Variants in NSD1 observed in about 807,000 individuals in gnomAD.
NSD1 encodes the protein nuclear receptor binding SET domain protein 1.
In NSD1, 26 loss-of-function variants were observed where a neutral mutation model predicts 242.7. The observed-to-expected ratio is 0.11, with a 90% confidence interval of 0.08 to 0.15. The LOEUF (loss-of-function observed/expected upper bound fraction) is 0.15, where lower values mean the gene tolerates loss of function less well. Among genes scored for constraint, NSD1 ranks in the 10% least tolerant of loss-of-function variants. The pLI is 1.00. For synonymous variants in NSD1, 1,106 were observed against 1,178.1 expected (o/e 0.94, Z 1.25); for missense variants, 2,495 against 3,272.8 (o/e 0.76, Z 5.80).
rs75207291 is a variant in NSD1, at chr5:177,282,148, G to C, written c.5893-317G>C. Among the ~76,000 whole-genome samples, 292 of 152,270 alleles carry C rather than the reference G, an allele frequency of 1.9e-3. 4 individuals carry two copies. The East Asian group carries it at 0.026, about 14-fold the overall frequency. ...TTTATTTGGGGAAGCCAATTCTCGG[G>C]CTCTGGGGCAGGTAGAGATTGGCCA... On this transcript the variant is annotated intron_variant, in intron 18 of 22. Transcript: ENST00000439151.
chr5:177,194,736 C>G (rs998116253), intron 3 of NSD1, among the ~76,000 whole-genome samples: 1 of 109,184 alleles, frequency 9.2e-6, no homozygotes, highest in Non-Finnish European at 1.7e-5. Flanking sequence ...GAGCCTTGCT[C>G]TGTCTCCCAG....
chr5:177,182,858 G>A (rs559652591), intron 2 of NSD1, among the ~76,000 whole-genome samples: 3 of 152,160 alleles, frequency 2.0e-5, no homozygotes, highest in Middle Eastern at 3.4e-3. Flanking sequence ...GGCTGGTCTC[G>A]AACTCCTGAC....
intron 12 of NSD1, among the ~76,000 whole-genome samples, chr5:177,254,623 C>T (rs1037338067): frequency 3.9e-5 from 6 of 152,114 alleles, no homozygotes; most frequent in Admixed American, 2.6e-4. Context: ...TGTTCTCAAA[C>T]TCCTGGCCTC....
intron 11 of NSD1, among the ~76,000 whole-genome samples, chr5:177,248,820 T>G (rs1438429432): frequency 6.6e-6 from 1 of 152,212 alleles, no homozygotes; most frequent in Non-Finnish European, 1.5e-5. Flanking sequence ...TATTACATTA[T>G]TTAGTCATCC....
chr5:177,260,951 G>A (rs971529000), intron 14 of NSD1, among the ~76,000 whole-genome samples: 5 of 152,164 alleles, frequency 3.3e-5, no homozygotes, highest in African/African-American at 1.2e-4. Flanking sequence ...AATAGAAAAA[G>A]AGTGAACGTG....
intron 20 of NSD1, among the ~76,000 whole-genome samples, chr5:177,286,874 C>T (rs532728722): frequency 1.3e-5 from 2 of 152,282 alleles, no homozygotes; most frequent in East Asian, 3.9e-4. Context: ...TGTTGAAATT[C>T]TCAGACTCTT....
At chr5:177,251,345 A>G (rs1755945451) in intron 11 of NSD1, among the ~76,000 whole-genome samples, 1 of 152,180 alleles carries the variant, frequency 6.6e-6, no homozygotes. Flanking sequence ...ATGTCCCAAA[A>G]GGGCTGTTTA....
rs762223274 is a variant in NSD1, at chr5:177,211,359, T to C, written c.2960T>C (p.Leu987Ser). ...NPSPSGGDSA[L>S]SGELSASLPG... ...AGCCCTAGTGGGGGTGACTCTGCATTATCTGGCGAGTTGTCTGCTTCCCTA... is the reference window on the plus strand; with the variant it reads ...AGCCCTAGTGGGGGTGACTCTGCATCATCTGGCGAGTTGTCTGCTTCCCTA... The change falls in exon 5 of 23, where the codon TTA becomes TCA. Residue 987 changes from leucine to serine, a missense_variant. Physicochemically the swap from Leu to Ser is moderately radical, Grantham distance 145. Coordinates refer to ENST00000439151, the MANE Select transcript of NSD1 (RefSeq NM_022455.5). 1.2e-6 allele frequency: 2 copies of C among 1,614,082 alleles called. No homozygotes were observed. Among genetic ancestry groups the C allele is most frequent in the Non-Finnish European group, 1.7e-6 (2 of 1,180,012 alleles).
At chr5:177,247,842 G>T in intron 10 of NSD1, 1 of 815,342 alleles carries the variant, frequency 1.2e-6, no homozygotes, top group Non-Finnish European at 1.5e-6. Context: ...GAATGCCCAA[G>T]AGGGGCATTA....
At chr5:177,293,745 C>T in intron 22 of NSD1, 87 bp from the exon 23 acceptor site, 1 of 1,437,988 alleles carries the variant, frequency 7.0e-7, no homozygotes, top group Non-Finnish European at 9.7e-7. Context: ...AGGTCATCAT[C>T]CACACCTTCG....
chr5:177,292,535 C>G (rs58826542), intron 22 of NSD1, among the ~76,000 whole-genome samples: 6,105 of 152,202 alleles, frequency 0.04, 412 homozygotes, highest in African/African-American at 0.14. Context: ...GACTCCAAGA[C>G]TATTAAATCA....
At position 177,185,043 on chromosome 5, in the gene NSD1, A is replaced by G. The variant is rs538829854; in HGVS notation, c.928-6841A>G. Among the ~76,000 whole-genome samples, 14 of 152,302 alleles carry G rather than the reference A, an allele frequency of 9.2e-5. No individual in the cohort carries two copies. In the East Asian group the frequency reaches 1.9e-3, roughly 21 times the overall value. ...AATATTATGGGAGTTTTTGGTAACTAAAACAATAACTGAGTCCTTAGAGTT... is the reference window on the plus strand; with the variant it reads ...AATATTATGGGAGTTTTTGGTAACTGAAACAATAACTGAGTCCTTAGAGTT... On this transcript the variant is annotated intron_variant, in intron 2 of 22. Coordinates refer to ENST00000439151, the MANE Select transcript of NSD1 (RefSeq NM_022455.5).
At chr5:177,198,038 C>T (rs1762237135) in intron 3 of NSD1, among the ~76,000 whole-genome samples, 1 of 152,048 alleles carries the variant, frequency 6.6e-6, no homozygotes, top group East Asian at 1.9e-4. Flanking sequence ...GAGAAAGAGT[C>T]TTGCTCTGTC....
intron 20 of NSD1, 192 bp from the exon 21 acceptor site, chr5:177,288,627 T>G: frequency 1.8e-6 from 1 of 548,840 alleles, no homozygotes; most frequent in Non-Finnish European, 3.2e-6. Context: ...TTAAGCCATT[T>G]AAGTTTTCTC....
At chr5:177,143,589 G>C (rs895600479) in intron 2 of NSD1, among the ~76,000 whole-genome samples, 1 of 151,906 alleles carries the variant, frequency 6.6e-6, no homozygotes, top group Non-Finnish European at 1.5e-5. Context: ...CAAAGTGCTG[G>C]GATTACAGGC....
At chr5:177,206,716 A>G (rs1451618274) in intron 4 of NSD1, among the ~76,000 whole-genome samples, 1 of 151,890 alleles carries the variant, frequency 6.6e-6, no homozygotes, top group Non-Finnish European at 1.5e-5. Flanking sequence ...GCTGATAGGG[A>G]TGTGTCGGTT....
chr5:177,265,799 C>T, intron 14 of NSD1: 1 of 1,407,180 alleles, frequency 7.1e-7, no homozygotes, highest in Non-Finnish European at 1.0e-6. Context: ...CCCTCCGGTC[C>T]TCTTGTGGCA....
rs530534653 is a variant in NSD1, at chr5:177,134,662, G to C, written c.-17-425G>C. On this transcript the variant is annotated intron_variant, in intron 1 of 22. Coordinates refer to ENST00000439151, the MANE Select transcript of NSD1 (RefSeq NM_022455.5). This position sits in a 1 kb window ranked among gnomAD's most constrained non-coding sequence, Gnocchi z 4.2. ...CGCTGCGCCCTAGCGAGCCAGGAAG[G>C]GGGGGGTACCTTTTTGTGCAGGGTC... Among the ~76,000 whole-genome samples the C allele has an allele frequency of 3.8e-4, 57 of 151,964 alleles. No homozygotes were observed. Among genetic ancestry groups the C allele is most frequent in the African/African-American group, 1.2e-3 (50 of 41,440 alleles).
At chr5:177,175,649 A>T (rs1760129585) in intron 2 of NSD1, among the ~76,000 whole-genome samples, 1 of 152,068 alleles carries the variant, frequency 6.6e-6, no homozygotes, top group Non-Finnish European at 1.5e-5. Flanking sequence ...AAGTATTTGA[A>T]AGCCTTCTTC....
Sources: allele counts gnomAD v4.1 joint callset (sites outside exome capture counted in the v4.1 genomes callset), GRCh38; gene constraint gnomAD v4.1.1; non-coding constraint Gnocchi (gnomAD v3.1); transcripts MANE v1.5; gene names NCBI Gene and HGNC (gene_info 2026-07-23, HGNC 2026-07-21).